Variants in VDAC1 observed in about 807,000 individuals in gnomAD.
The protein encoded by VDAC1 is voltage dependent anion channel 1.
VDAC1 carries 10 observed loss-of-function variants against 34.7 expected under a neutral mutation model. The observed-to-expected ratio is 0.29, with a 90% CI of 0.18 to 0.49. The LOEUF (loss-of-function observed/expected upper bound fraction) is 0.49, where lower values mean the gene tolerates loss of function less well. VDAC1 is among the 20% of genes least tolerant of loss of function. VDAC1 has a pLI of 0.99. For synonymous variants in VDAC1, 130 were observed against 136.0 expected, an observed-to-expected ratio of 0.96 and a Z score of 0.30; for missense variants, 230 against 347.9, an observed-to-expected ratio of 0.66 and a Z score of 2.69.
the VDAC1 span, among the ~76,000 whole-genome samples, chr5:134,030,607 T>C: frequency 6.6e-6 from 1 of 151,354 alleles, no homozygotes; most frequent in Non-Finnish European, 1.5e-5. Flanking sequence ...TTTCTTTCTT[T>C]TTTTTTTGAG....
At chr5:134,105,745 C>T in the VDAC1 span, among the ~76,000 whole-genome samples, 1 of 152,258 alleles carries the variant, frequency 6.6e-6, no homozygotes, top group Non-Finnish European at 1.5e-5. Flanking sequence ...TGCCTTGCTC[C>T]TGGAGGCCAT....
At chr5:134,040,684 A>T in the VDAC1 span, among the ~76,000 whole-genome samples, 1 of 152,092 alleles carries the variant, frequency 6.6e-6, no homozygotes, top group Non-Finnish European at 1.5e-5. Context: ...CCAATATCGT[A>T]CTGCTGCACT....
At chr5:134,029,241 C>T in the VDAC1 span, among the ~76,000 whole-genome samples, 1 of 152,214 alleles carries the variant, frequency 6.6e-6, no homozygotes, top group African/African-American at 2.4e-5. Context: ...TGACCAACCT[C>T]TTGATTGCAG....
chr5:133,980,689 A>AGGGCC, intron 6 of VDAC1, 40 bp downstream of exon 6: 1 of 564,058 alleles, frequency 1.8e-6, no homozygotes, highest in Non-Finnish European at 3.4e-6. Flanking sequence ...ACATGCTCCA[A>AGGGCC]CCCCACCCCT....
At chr5:134,034,504 C>T in the VDAC1 span, among the ~76,000 whole-genome samples, 1 of 152,172 alleles carries the variant, frequency 6.6e-6, no homozygotes. Flanking sequence ...GTCCACTAGC[C>T]CGGGAAGCCC....
At chr5:134,083,180 CTTTTTT>C in the VDAC1 span, among the ~76,000 whole-genome samples, 1 of 141,174 alleles carries the variant, frequency 7.1e-6, no homozygotes, top group East Asian at 2.1e-4. Flanking sequence ...TTTTCTTTTT[CTTTTTT>C]TTTCTTTTTT....
the VDAC1 span, among the ~76,000 whole-genome samples, chr5:134,090,258 G>T: frequency 6.6e-6 from 1 of 152,142 alleles, no homozygotes; most frequent in Non-Finnish European, 1.5e-5. Flanking sequence ...CTGGGTGGTT[G>T]GTTCAGAGAC....
At chr5:134,066,392 C>G in the VDAC1 span, among the ~76,000 whole-genome samples, 1 of 152,190 alleles carries the variant, frequency 6.6e-6, no homozygotes, top group Non-Finnish European at 1.5e-5. Flanking sequence ...CAATATATAA[C>G]AAATGAGCAT....
chr5:134,039,521 G>A, the VDAC1 span, among the ~76,000 whole-genome samples: 2 of 152,026 alleles, frequency 1.3e-5, no homozygotes, highest in Admixed American at 6.6e-5. Context: ...GTAGAGACGG[G>A]GGTTTCACCG....
At chr5:134,009,290 C>T (rs1481981385), upstream of VDAC1, among the ~76,000 whole-genome samples, 1 of 111,442 alleles carries the variant, frequency 9.0e-6, no homozygotes, top group African/African-American at 3.5e-5. Flanking sequence ...GAGTCTCTCT[C>T]TGTAGCCCAG....
At chr5:134,043,657 G>A in the VDAC1 span, among the ~76,000 whole-genome samples, 5 of 151,916 alleles carry the variant, frequency 3.3e-5, no homozygotes, top group Non-Finnish European at 7.4e-5. Flanking sequence ...TCAGCCTCCT[G>A]AGTAGCTGGT....
At position 133,974,471 on chromosome 5, in the gene VDAC1, A is replaced by T. The variant is rs1025788053; in HGVS notation, c.703-623T>A. ...ATGAAAAGTGAGGCGGGGCGGGGGG[A>T]ATTATCAATTAGAACCCTAGATTTC... On this transcript the variant is annotated intron_variant, in intron 7 of 8. Coordinates refer to ENST00000265333, the MANE Select transcript of VDAC1 (RefSeq NM_003374.3). Among the ~76,000 whole-genome samples the T allele has an allele frequency of 2.6e-5, 4 of 152,092 alleles. No individual in the cohort carries two copies. The South Asian group carries it at 8.3e-4, about 32-fold the overall frequency.
the VDAC1 span, among the ~76,000 whole-genome samples, chr5:134,075,161 C>T: frequency 2.0e-5 from 3 of 152,220 alleles, no homozygotes; most frequent in Admixed American, 1.3e-4. Flanking sequence ...AGTTACACTC[C>T]TATGCACATG....
the VDAC1 span, among the ~76,000 whole-genome samples, chr5:134,094,087 G>A: frequency 8.5e-5 from 13 of 152,246 alleles, no homozygotes; most frequent in African/African-American, 2.9e-4. Context: ...TGAAGTGGGG[G>A]GCGGTGGGTG....
chr5:134,019,080 G>A, the VDAC1 span, among the ~76,000 whole-genome samples: 1 of 152,100 alleles, frequency 6.6e-6, no homozygotes, highest in African/African-American at 2.4e-5. Context: ...GTAATAAAAT[G>A]TGACTGTTAG....
chr5:134,058,844 A>G, the VDAC1 span, among the ~76,000 whole-genome samples: 1 of 152,150 alleles, frequency 6.6e-6, no homozygotes, highest in East Asian at 1.9e-4. Context: ...CCTCTCCACA[A>G]GCCTCTCTGC....
At chr5:134,093,647 C>G in the VDAC1 span, among the ~76,000 whole-genome samples, 1 of 152,172 alleles carries the variant, frequency 6.6e-6, no homozygotes, top group Admixed American at 6.5e-5. Flanking sequence ...GTGTCAAGAG[C>G]GTGAGCCGGC....
At chr5:134,092,372 C>T in the VDAC1 span, among the ~76,000 whole-genome samples, 1 of 152,210 alleles carries the variant, frequency 6.6e-6, no homozygotes, top group Non-Finnish European at 1.5e-5. Flanking sequence ...CTCTGAGTCA[C>T]TGTCTTGGGC....
At chr5:134,028,881 G>A in the VDAC1 span, among the ~76,000 whole-genome samples, 1 of 152,132 alleles carries the variant, frequency 6.6e-6, no homozygotes, top group Non-Finnish European at 1.5e-5. Context: ...CCTTCAGAAG[G>A]CAGTTGCTAA....
Sources: gnomAD v4.1 joint callset for allele counts (sites outside exome capture counted in the v4.1 genomes callset) on GRCh38, gnomAD v4.1.1 for gene constraint, MANE v1.5 for transcripts, NCBI Gene and HGNC (gene_info 2026-07-23, HGNC 2026-07-21) for gene names.